KMT2C: variants seen among roughly 807,000 people sequenced by gnomAD.
KMT2C encodes the protein histone-lysine N-methyltransferase 2C.
KMT2C carries 88 observed loss-of-function variants against 507.9 expected under a neutral mutation model. The ratio of observed to expected loss-of-function variants is 0.17; its 90% confidence interval spans 0.15 to 0.21. The LOEUF (loss-of-function observed/expected upper bound fraction) is 0.21, where lower values mean the gene tolerates loss of function less well. Ranked by LOEUF, KMT2C falls within the 10% of genes least tolerant of loss-of-function variation. The pLI, the probability that KMT2C is intolerant of heterozygous loss-of-function variation, is 1.00. For missense variants in KMT2C, 4,954 were observed against 5,957.8 expected (o/e 0.83, Z 5.55); for synonymous variants, 2,049 against 2,080.8 (o/e 0.98, Z 0.42).
At chr7:152,418,558 G>A (rs1298670558) in intron 1 of KMT2C, among the ~76,000 whole-genome samples, 3 of 151,952 alleles carry the variant, frequency 2.0e-5, no homozygotes, top group Non-Finnish European at 4.4e-5. Context: ...AGCCTCCTGA[G>A]CAGCTGAAGA....
chr7:152,387,625 C>A (rs759750817), intron 1 of KMT2C, among the ~76,000 whole-genome samples: 2 of 152,198 alleles, frequency 1.3e-5, no homozygotes, highest in African/African-American at 4.8e-5. Flanking sequence ...CGCCCACCAC[C>A]ATACCCGGCT....
At chr7:152,355,163 A>C (rs1399547984) in intron 2 of KMT2C, among the ~76,000 whole-genome samples, 1 of 152,172 alleles carries the variant, frequency 6.6e-6, no homozygotes, top group Non-Finnish European at 1.5e-5. Flanking sequence ...CTAAAATGTG[A>C]ATGTATAAAA....
intron 1 of KMT2C, chr7:152,368,028 G>C (rs2097261438): frequency 2.4e-6 from 2 of 847,924 alleles, no homozygotes; most frequent in Non-Finnish European, 4.0e-6. Context: ...TGATTTTCCA[G>C]AAATAGATGA....
chr7:152,252,766 T>G (rs764132440), intron 9 of KMT2C, 51 bp from the exon 10 acceptor site: 2 of 1,354,004 alleles, frequency 1.5e-6, no homozygotes, highest in South Asian at 2.6e-5. Context: ...GCATTTGTAA[T>G]TGTAGTTCTG....
At chr7:152,266,087 G>A (rs1298122452) in intron 7 of KMT2C, among the ~76,000 whole-genome samples, 18 of 152,364 alleles carry the variant, frequency 1.2e-4, no homozygotes, top group African/African-American at 4.3e-4. Context: ...GTATCACAAA[G>A]TATATGAATC....
At chr7:152,290,294 A>ATT (rs869073980) in intron 6 of KMT2C, among the ~76,000 whole-genome samples, 8 of 21,416 alleles carry the variant, frequency 3.7e-4, no homozygotes, top group Non-Finnish European at 5.4e-4. Flanking sequence ...ATATATATAT[A>ATT]TTTTTTTTTT....
At chr7:152,153,948 T>C in intron 48 of KMT2C, 62 bp downstream of exon 48, 1 of 1,522,518 alleles carries the variant, frequency 6.6e-7, no homozygotes. Flanking sequence ...GGTAGACACC[T>C]GACCCATCTT....
At position 152,186,452 on chromosome 7, in the gene KMT2C, G is replaced by A. The variant is rs75466716; in HGVS notation, c.5008+810C>T. On this transcript the variant is annotated intron_variant, in intron 33 of 58. Coordinates refer to ENST00000262189, the MANE Select transcript of KMT2C (RefSeq NM_170606.3). ...GGATACTGCCTTCACAGGTCTCCCTGCATCAAACCACTGATTTCTATTGTT... is the reference window on the plus strand; with the variant it reads ...GGATACTGCCTTCACAGGTCTCCCTACATCAAACCACTGATTTCTATTGTT... Among the ~76,000 whole-genome samples, 1,109 of 152,274 alleles carry A rather than the reference G, an allele frequency of 7.3e-3. 32 individuals carry two copies. The East Asian group carries it at 0.078, about 11-fold the overall frequency.
At chr7:152,213,833 G>T (rs922802374) in intron 23 of KMT2C, among the ~76,000 whole-genome samples, 1 of 150,546 alleles carries the variant, frequency 6.6e-6, no homozygotes, top group African/African-American at 2.4e-5. Flanking sequence ...CTGATAAGGG[G>T]TTAAAATCCA....
In KMT2C at chr7:152,143,706, C is replaced by A. The variant is rs182283345; in HGVS notation, c.14343+1007G>T. 7.9e-5 allele frequency among the ~76,000 whole-genome samples: 12 copies of A among 152,316 alleles called. No homozygotes were observed. The East Asian group carries it at 2.1e-3, about 27-fold the overall frequency. On this transcript the variant is annotated intron_variant, in intron 55 of 58. Transcript: ENST00000262189. ...GGGCTCATCAAGGGAGGAAAGCAAT[C>A]AACAAAAAGACCTCCACTGAGGTGT...
intron 7 of KMT2C, among the ~76,000 whole-genome samples, chr7:152,271,673 CAA>C (rs35698920): frequency 3.8e-4 from 21 of 54,986 alleles, no homozygotes; most frequent in East Asian, 9.9e-4. Flanking sequence ...GACTCCATCT[CAA>C]AAAAAAAAAA....
chr7:152,252,099 A>T lies in KMT2C; in HGVS notation c.1470-9T>A, dbSNP rs769491726. On this transcript the variant is annotated splice_polypyrimidine_tract_variant and intron_variant, in intron 10 of 58. Transcript: ENST00000262189. ...ACTCTAGGTGAACCCACCTGCAGTG[A>T]TAAGTATACTTAAATAAAAATTTCT... The T allele has an allele frequency of 6.4e-7, 1 of 1,571,748 alleles. No homozygotes were observed.
chr7:152,413,713 C>T (rs78794896), intron 1 of KMT2C, among the ~76,000 whole-genome samples: 800 of 122,064 alleles, frequency 6.6e-3, no homozygotes, highest in Middle Eastern at 8.5e-3. Context: ...AGCAAAACCC[C>T]ATCTATACTA....
At chr7:152,182,821 A>T (rs2093477850) in intron 35 of KMT2C, among the ~76,000 whole-genome samples, 153 bp downstream of exon 35, 1 of 152,196 alleles carries the variant, frequency 6.6e-6, no homozygotes, top group South Asian at 2.1e-4. Context: ...TTCTCAAATC[A>T]ATTTAAATAT....
intron 4 of KMT2C, 115 bp from the exon 5 acceptor site, chr7:152,312,061 G>T: frequency 1.4e-6 from 1 of 712,806 alleles, no homozygotes; most frequent in Non-Finnish European, 2.1e-6. Flanking sequence ...GCCATTAACT[G>T]TCATAAAACA....
intron 16 of KMT2C, among the ~76,000 whole-genome samples, chr7:152,234,050 G>A (rs2095204686): frequency 6.6e-6 from 1 of 152,016 alleles, no homozygotes; most frequent in Non-Finnish European, 1.5e-5. Context: ...CAGGAGAATT[G>A]CTTGAACCTG....
At position 152,209,347 on chromosome 7, in the gene KMT2C, C is replaced by T. The variant is rs139928587; in HGVS notation, c.3713-1919G>A. 9.1e-3 allele frequency among the ~76,000 whole-genome samples: 1,288 copies of T among 141,716 alleles called. 19 individuals carry two copies. The highest frequency in any genetic ancestry group is 0.033 in the African/African-American group (1,239 of 37,412). The allele number at this position is 141,716 out of a possible 152,430, so 93.0% of individuals were successfully genotyped here. Reference sequence around the variant, plus strand: ...TGGCTGGTGCCTGTAGTCCCAGCTACGTGGGAGGCTGAGGCAGGAGCATGG... The same window carrying T: ...TGGCTGGTGCCTGTAGTCCCAGCTATGTGGGAGGCTGAGGCAGGAGCATGG... On this transcript the variant is annotated intron_variant, in intron 23 of 58. Transcript: ENST00000262189.
chr7:152,183,053 G>C lies in KMT2C; in HGVS notation c.5186C>G (p.Ser1729Cys), dbSNP rs2129121514. The change falls in exon 35 of 59, where the codon TCT becomes TGT. Residue 1729 changes from serine to cysteine, a missense_variant. Ser to Cys is a moderately radical substitution (Grantham distance 112, BLOSUM62 -1). Transcript: ENST00000262189. ...QQQQDSIDPS[S>C]RIDSELFKDP... ...TTTAAAAAGCTCCGAATCAATACGA[G>C]AGCTGGGATCAATGCTATCTTGCTG... is the stretch of plus-strand genomic sequence containing the variant. The C allele has an allele frequency of 6.2e-7, 1 of 1,612,990 alleles. No individual in the cohort carries two copies. The highest frequency in any genetic ancestry group is 8.5e-7 in the Non-Finnish European group (1 of 1,179,578).
In KMT2C at chr7:152,163,569, T is replaced by C. The variant is rs148801464; in HGVS notation, c.10008A>G (p.Gln3336=). 7.9e-5 allele frequency: 127 copies of C among 1,606,672 alleles called. No homozygotes were observed. The African/African-American group carries it at 1.2e-3, about 15-fold the overall frequency. The change falls in exon 43 of 59, where the codon CAA becomes CAG. Residue 3336 remains glutamine (Q), a synonymous_variant. Transcript: ENST00000262189. ...PVRMPSLPGW[Q]PNSAPAHLPL... ...GCAGGTGGGCAGGAGCACTGTTGGGTTGCCATCCAGGTAAACTGGGCATTC... is the reference window on the plus strand; with the variant it reads ...GCAGGTGGGCAGGAGCACTGTTGGGCTGCCATCCAGGTAAACTGGGCATTC...
Sources: allele counts gnomAD v4.1 joint callset (sites outside exome capture counted in the v4.1 genomes callset), GRCh38; gene constraint gnomAD v4.1.1; transcripts MANE v1.5; gene names NCBI Gene and HGNC (gene_info 2026-07-23, HGNC 2026-07-21).